Variants in CDH13 observed in about 807,000 individuals in gnomAD.
CDH13 encodes cadherin-13.
In CDH13, 24 loss-of-function variants were observed where a neutral mutation model predicts 63.8. The observed-to-expected ratio is 0.38, with a 90% CI of 0.27 to 0.53. CDH13 has a LOEUF of 0.53. Ranked by LOEUF, CDH13 falls within the 20% of genes least tolerant of loss-of-function variation. CDH13 has a pLI of 0.85. For synonymous variants in CDH13, 503 were observed against 355.3 expected, an observed-to-expected ratio of 1.42 and a Z score of -4.67; for missense variants, 1,049 against 903.1, an observed-to-expected ratio of 1.16 and a Z score of -2.07.
chr16:82,671,543 T>A (rs1221232655), intron 1 of CDH13, among the ~76,000 whole-genome samples: 2 of 152,230 alleles, frequency 1.3e-5, no homozygotes, highest in African/African-American at 2.4e-5. Context: ...GCAGATCAAT[T>A]TTTAAAACAA....
chr16:83,675,491 G>A (rs890393687), intron 9 of CDH13, among the ~76,000 whole-genome samples: 11 of 152,198 alleles, frequency 7.2e-5, no homozygotes, highest in Non-Finnish European at 1.2e-4. Flanking sequence ...GGGAACATAG[G>A]AGAAACACTG....
chr16:83,535,051 A>T (rs567355897), intron 7 of CDH13, among the ~76,000 whole-genome samples: 2 of 152,346 alleles, frequency 1.3e-5, no homozygotes, highest in Middle Eastern at 6.8e-3. Context: ...TAACACTCAC[A>T]GGTCCTGGGA....
chr16:83,583,452 G>A (rs572868782), intron 7 of CDH13, among the ~76,000 whole-genome samples: 2 of 152,248 alleles, frequency 1.3e-5, no homozygotes, highest in South Asian at 2.1e-4. Context: ...AGGATTTATT[G>A]CACATCTATT....
intron 6 of CDH13, among the ~76,000 whole-genome samples, chr16:83,405,654 C>T (rs183457719): frequency 1.3e-5 from 2 of 152,320 alleles, no homozygotes; most frequent in Admixed American, 1.3e-4. Flanking sequence ...TCTGTTACAG[C>T]CGTAGGAAGG....
At chr16:82,691,106 C>T (rs905709299) in intron 1 of CDH13, among the ~76,000 whole-genome samples, 6 of 152,164 alleles carry the variant, frequency 3.9e-5, no homozygotes, top group African/African-American at 1.2e-4. Context: ...GTGTACCAGG[C>T]GCTGCACTGG....
intron 1 of CDH13, among the ~76,000 whole-genome samples, chr16:82,751,664 A>C (rs971126502): frequency 2.0e-5 from 3 of 151,870 alleles, no homozygotes; most frequent in African/African-American, 4.8e-5. Flanking sequence ...CAAATAAAAA[A>C]CACCATGACA....
At chr16:83,480,472 G>A (rs531442338) in intron 6 of CDH13, among the ~76,000 whole-genome samples, 6 of 152,164 alleles carry the variant, frequency 3.9e-5, no homozygotes, top group Admixed American at 1.3e-4. Context: ...TACTGAGGAC[G>A]GTTAGGAGAG....
At chr16:83,689,886 C>G (rs1567517824) in intron 10 of CDH13, among the ~76,000 whole-genome samples, 1 of 152,172 alleles carries the variant, frequency 6.6e-6, no homozygotes, top group Admixed American at 6.5e-5. Context: ...GCCCCAGAAA[C>G]AATTAAAAAT....
At chr16:83,550,546 G>A (rs957702432) in intron 7 of CDH13, among the ~76,000 whole-genome samples, 2 of 152,222 alleles carry the variant, frequency 1.3e-5, no homozygotes, top group Non-Finnish European at 2.9e-5. Context: ...TAATGGAAGA[G>A]CTGGCCCATG....
intron 2 of CDH13, among the ~76,000 whole-genome samples, chr16:82,913,957 G>C (rs1466966085): frequency 6.6e-6 from 1 of 151,898 alleles, no homozygotes; most frequent in Non-Finnish European, 1.5e-5. Context: ...GATGTAGACA[G>C]CGCTGGGGGA....
intron 5 of CDH13, among the ~76,000 whole-genome samples, chr16:83,225,024 G>A (rs2039800142): frequency 6.6e-6 from 1 of 152,158 alleles, no homozygotes; most frequent in Non-Finnish European, 1.5e-5. Context: ...TGTGGCCCCA[G>A]ACTAACAGCG....
intron 7 of CDH13, among the ~76,000 whole-genome samples, chr16:83,509,981 C>T (rs1178634298): frequency 6.6e-6 from 1 of 152,114 alleles, no homozygotes; most frequent in African/African-American, 2.4e-5. Context: ...AGCCAGCGTA[C>T]CTCCTTGTGT....
At chr16:83,011,847 G>T (rs767810899) in intron 2 of CDH13, among the ~76,000 whole-genome samples, 1 of 152,132 alleles carries the variant, frequency 6.6e-6, no homozygotes, top group Admixed American at 6.5e-5. Context: ...CTCTTTGCTG[G>T]ATCTACCTTT....
chr16:82,738,421 C>G (rs16958409), intron 1 of CDH13, among the ~76,000 whole-genome samples: 34,771 of 152,124 alleles, frequency 0.23, 4,228 homozygotes, highest in East Asian at 0.48. Flanking sequence ...GAGTCCTCAC[C>G]TGAAATCTCT....
At chr16:82,782,586 G>C (rs993439762) in intron 1 of CDH13, among the ~76,000 whole-genome samples, 1 of 151,772 alleles carries the variant, frequency 6.6e-6, no homozygotes, top group Non-Finnish European at 1.5e-5. Context: ...ACAAATGGAT[G>C]CATGAACAAG....
chr16:82,982,911 G>T (rs8061907), intron 2 of CDH13, among the ~76,000 whole-genome samples: 116,587 of 151,988 alleles, frequency 0.77, 45,203 homozygotes, highest in African/African-American at 0.88. Flanking sequence ...CCCATGAACC[G>T]GAGTGAAAGG....
chr16:83,220,174 T>A (rs7195603), intron 5 of CDH13, among the ~76,000 whole-genome samples: 149,739 of 152,300 alleles, frequency 0.98, 73,673 homozygotes, highest in East Asian at 1. Context: ...TGTCCTGTTT[T>A]CATCATACCC....
chr16:83,369,335 C>G (rs573440719), intron 6 of CDH13, among the ~76,000 whole-genome samples: 1 of 152,042 alleles, frequency 6.6e-6, no homozygotes, highest in Non-Finnish European at 1.5e-5. Flanking sequence ...CACACCATCT[C>G]TCATCATTCT....
chr16:83,460,639 A>G (rs1171184123), intron 6 of CDH13, among the ~76,000 whole-genome samples: 1 of 152,192 alleles, frequency 6.6e-6, no homozygotes, highest in Non-Finnish European at 1.5e-5. Context: ...AGGAAAAACT[A>G]TTAGGTTTAG....
Sources: allele counts gnomAD v4.1 joint callset (sites outside exome capture counted in the v4.1 genomes callset), GRCh38; gene constraint gnomAD v4.1.1; transcripts MANE v1.5; gene names NCBI Gene and HGNC (gene_info 2026-07-23, HGNC 2026-07-21).